The following SPMIP3 variants were observed in gnomAD, a reference collection of about 807,000 sequenced individuals.
The protein encoded by SPMIP3 is protein SPMIP3.
chr1:244,381,078 C>A, the SPMIP3 span, among the ~76,000 whole-genome samples: 1 of 151,742 alleles, frequency 6.6e-6, no homozygotes, highest in Non-Finnish European at 1.5e-5. Flanking sequence ...TAGGGGTTGC[C>A]GTCCCAAGGA....
the SPMIP3 span, chr1:244,378,507 C>T: frequency 6.2e-7 from 1 of 1,613,732 alleles, no homozygotes; most frequent in Non-Finnish European, 8.5e-7. Flanking sequence ...GACAAAATAT[C>T]ACTATCAGCC....
the SPMIP3 span, among the ~76,000 whole-genome samples, chr1:244,364,148 T>C: frequency 6.6e-6 from 1 of 151,772 alleles, no homozygotes; most frequent in Admixed American, 6.6e-5. Flanking sequence ...TCTATGGCCC[T>C]GGCTGGAGCG....
chr1:244,354,568 C>T, the SPMIP3 span, among the ~76,000 whole-genome samples: 1 of 152,094 alleles, frequency 6.6e-6, no homozygotes, highest in Non-Finnish European at 1.5e-5. Context: ...AACATGTTGT[C>T]CAGGCTGGTC....
chr1:244,382,002 T>C, the SPMIP3 span, among the ~76,000 whole-genome samples: 1 of 152,220 alleles, frequency 6.6e-6, no homozygotes, highest in African/African-American at 2.4e-5. Context: ...TCTAAAGCAG[T>C]GTGCAGAGGA....
the SPMIP3 span, among the ~76,000 whole-genome samples, chr1:244,363,050 C>G: frequency 6.6e-6 from 1 of 150,668 alleles, no homozygotes; most frequent in Non-Finnish European, 1.5e-5. Flanking sequence ...TGGGGTCTCA[C>G]CACTTTATGT....
chr1:244,388,676 TG>T, the SPMIP3 span, among the ~76,000 whole-genome samples: 1 of 152,218 alleles, frequency 6.6e-6, no homozygotes, highest in Admixed American at 6.5e-5. Flanking sequence ...TAAAAAGGTT[TG>T]GGGGTACAGA....
At chr1:244,361,632 A>G in the SPMIP3 span, among the ~76,000 whole-genome samples, 1 of 152,182 alleles carries the variant, frequency 6.6e-6, no homozygotes, top group Non-Finnish European at 1.5e-5. Context: ...CCCTGATTGG[A>G]TCATTACTCA....
the SPMIP3 span, chr1:244,378,370 C>G: frequency 7.9e-7 from 1 of 1,259,748 alleles, no homozygotes. Context: ...TCTCTGTTAG[C>G]CTCACGGCCG....
chr1:244,362,611 T>C, the SPMIP3 span, among the ~76,000 whole-genome samples: 1 of 152,118 alleles, frequency 6.6e-6, no homozygotes, highest in South Asian at 2.1e-4. Flanking sequence ...CAGAGAGCTA[T>C]TGTAATCAAT....
At chr1:244,369,635 C>T in the SPMIP3 span, among the ~76,000 whole-genome samples, 106,044 of 151,872 alleles carry the variant, frequency 0.7, 37,556 homozygotes, top group Middle Eastern at 0.82. Flanking sequence ...GTTTTATAAC[C>T]GAGCTTGAGG....
chr1:244,373,028 C>G, the SPMIP3 span, among the ~76,000 whole-genome samples: 1 of 152,078 alleles, frequency 6.6e-6, no homozygotes, highest in Non-Finnish European at 1.5e-5. Flanking sequence ...TCATGTCCCA[C>G]ATAAAGCACT....
At chr1:244,364,923 C>T in the SPMIP3 span, among the ~76,000 whole-genome samples, 9 of 152,254 alleles carry the variant, frequency 5.9e-5, no homozygotes, top group East Asian at 7.7e-4. Context: ...GCAAACCTAC[C>T]GGCAAAAGTC....
At chr1:244,380,885 A>G in the SPMIP3 span, among the ~76,000 whole-genome samples, 4 of 151,778 alleles carry the variant, frequency 2.6e-5, no homozygotes, top group African/African-American at 9.7e-5. Context: ...GGCAATAGCC[A>G]TGGGGGCCAG....
chr1:244,372,506 C>A, the SPMIP3 span, among the ~76,000 whole-genome samples: 1 of 150,946 alleles, frequency 6.6e-6, no homozygotes, highest in East Asian at 1.9e-4. Context: ...TGCAGTGGCA[C>A]GATCTCAGCT....
the SPMIP3 span, among the ~76,000 whole-genome samples, chr1:244,368,427 A>C: frequency 7.2e-5 from 11 of 152,234 alleles, no homozygotes; most frequent in Non-Finnish European, 1.3e-4. Context: ...GGTGTGGTTA[A>C]ATGACTGCCC....
the SPMIP3 span, among the ~76,000 whole-genome samples, chr1:244,359,790 A>AT: frequency 6.6e-6 from 1 of 152,196 alleles, no homozygotes; most frequent in South Asian, 2.1e-4. Flanking sequence ...AAGAAGACAC[A>AT]TAAATGGCTA....
the SPMIP3 span, among the ~76,000 whole-genome samples, chr1:244,359,986 G>A: frequency 6.6e-6 from 1 of 151,800 alleles, no homozygotes; most frequent in Non-Finnish European, 1.5e-5. Flanking sequence ...GTGCGTGCCT[G>A]TAGTCCCAGC....
At chr1:244,360,509 TACACACACACACACAC>T in the SPMIP3 span, among the ~76,000 whole-genome samples, 8 of 59,152 alleles carry the variant, frequency 1.4e-4, no homozygotes, top group African/African-American at 2.5e-4. Flanking sequence ...AAACGTGATA[TACACACACACACACAC>T]ACACACACAC....
At chr1:244,363,222 A>G in the SPMIP3 span, among the ~76,000 whole-genome samples, 1 of 152,058 alleles carries the variant, frequency 6.6e-6, no homozygotes, top group Non-Finnish European at 1.5e-5. Flanking sequence ...CCTGGCCAAC[A>G]TGGTGTGAAA....
Sources: gnomAD v4.1 joint callset for allele counts (sites outside exome capture counted in the v4.1 genomes callset) on GRCh38, gnomAD v4.1.1 for gene constraint, MANE v1.5 for transcripts, NCBI Gene and HGNC (gene_info 2026-07-23, HGNC 2026-07-21) for gene names.